The following TTLL11 variants were observed in gnomAD, a reference collection of about 807,000 sequenced individuals.
TTLL11 encodes tubulin polyglutamylase TTLL11.
TTLL11 carries 42 observed loss-of-function variants against 51.7 expected under a neutral mutation model. The ratio of observed to expected loss-of-function variants is 0.81; its 90% CI spans 0.64 to 1.05. TTLL11 has a LOEUF of 1.05. Among genes scored for constraint, TTLL11 ranks in the 50% least tolerant of loss-of-function variants. TTLL11 has a pLI of 0.00. For missense variants in TTLL11, 799 were observed against 940.4 expected, an observed-to-expected ratio of 0.85 and a Z score of 1.97; for synonymous variants, 381 against 383.5, an observed-to-expected ratio of 0.99 and a Z score of 0.08.
At chr9:122,087,169 T>A (rs1455992222) in intron 1 of TTLL11, among the ~76,000 whole-genome samples, 1 of 152,170 alleles carries the variant, frequency 6.6e-6, no homozygotes, top group Admixed American at 6.5e-5. Flanking sequence ...TTTAGAGGGT[T>A]TTTGCAAGGA....
chr9:121,896,920 T>A (rs754631717), intron 6 of TTLL11, among the ~76,000 whole-genome samples: 3 of 152,222 alleles, frequency 2.0e-5, no homozygotes, highest in Non-Finnish European at 4.4e-5. Flanking sequence ...TCGAGTCAGC[T>A]GTAGGTCTTT....
At chr9:122,034,030 A>G (rs1844632252) in intron 2 of TTLL11, among the ~76,000 whole-genome samples, 1 of 152,236 alleles carries the variant, frequency 6.6e-6, no homozygotes, top group African/African-American at 2.4e-5. Flanking sequence ...CTTTTGCTTG[A>G]GGTTTACTAA....
At chr9:122,028,657 C>A (rs1844426987) in intron 3 of TTLL11, among the ~76,000 whole-genome samples, 1 of 152,132 alleles carries the variant, frequency 6.6e-6, no homozygotes, top group Non-Finnish European at 1.5e-5. Flanking sequence ...GATGTGAATA[C>A]CACCAATAGC....
chr9:121,850,293 C>T (rs978686637), intron 8 of TTLL11, among the ~76,000 whole-genome samples: 9 of 152,148 alleles, frequency 5.9e-5, no homozygotes, highest in Non-Finnish European at 1.5e-5. Flanking sequence ...ATACAACAGA[C>T]CATCTTTAAA....
intron 6 of TTLL11, among the ~76,000 whole-genome samples, chr9:121,960,507 C>T (rs945637516): frequency 3.3e-5 from 5 of 152,156 alleles, no homozygotes; most frequent in African/African-American, 7.2e-5. Flanking sequence ...CTGCCTCCTT[C>T]CTGACCCACA....
chr9:121,851,970 T>G (rs1837674837), intron 8 of TTLL11, among the ~76,000 whole-genome samples: 1 of 152,144 alleles, frequency 6.6e-6, no homozygotes, highest in Non-Finnish European at 1.5e-5. Context: ...TGGGAGAATT[T>G]GAGGGCCGGG....
At chr9:121,874,297 C>T (rs940764049) in intron 6 of TTLL11, among the ~76,000 whole-genome samples, 4 of 152,194 alleles carry the variant, frequency 2.6e-5, no homozygotes, top group African/African-American at 7.2e-5. Context: ...CTGCACCCGA[C>T]CCACCACCCC....
At chr9:121,996,627 G>GT (rs1340265129) in intron 3 of TTLL11, among the ~76,000 whole-genome samples, 4 of 152,224 alleles carry the variant, frequency 2.6e-5, no homozygotes, top group Admixed American at 1.3e-4. Flanking sequence ...ATTAGGGAAA[G>GT]TATGTGAAAA....
At chr9:121,845,091 G>A (rs752861355) in intron 8 of TTLL11, among the ~76,000 whole-genome samples, 33 of 152,054 alleles carry the variant, frequency 2.2e-4, no homozygotes, top group Non-Finnish European at 3.7e-4. Flanking sequence ...TAGAAAACCA[G>A]AGACAAAGAG....
chr9:122,031,597 C>T, intron 3 of TTLL11, 126 bp downstream of exon 3: 1 of 1,147,824 alleles, frequency 8.7e-7, no homozygotes, highest in Non-Finnish European at 1.2e-6. Context: ...CTACTGTGTA[C>T]TGTTAAGATG....
At chr9:122,029,105 T>G (rs995400098) in intron 3 of TTLL11, among the ~76,000 whole-genome samples, 7 of 152,232 alleles carry the variant, frequency 4.6e-5, no homozygotes, top group African/African-American at 1.7e-4. Flanking sequence ...TTTGTGGTGT[T>G]GCAGGTGTCA....
At chr9:121,916,029 A>ACG (rs1285962706) in intron 6 of TTLL11, among the ~76,000 whole-genome samples, 15 of 134,394 alleles carry the variant, frequency 1.1e-4, no homozygotes, top group African/African-American at 3.1e-4. Flanking sequence ...ACACACACAC[A>ACG]CACACTGAGG....
chr9:121,966,041 T>G (rs148345959), intron 6 of TTLL11, among the ~76,000 whole-genome samples: 81 of 152,310 alleles, frequency 5.3e-4, no homozygotes, highest in Non-Finnish European at 9.7e-4. Context: ...GAGATGTGCT[T>G]GGAGACAAGG....
At chr9:121,883,641 A>G (rs1838884105) in intron 6 of TTLL11, among the ~76,000 whole-genome samples, 1 of 152,208 alleles carries the variant, frequency 6.6e-6, no homozygotes, top group Non-Finnish European at 1.5e-5. Flanking sequence ...CTGAACATAG[A>G]GTTGTTGTCA....
At chr9:121,888,275 T>C (rs923861325) in intron 6 of TTLL11, among the ~76,000 whole-genome samples, 7 of 152,036 alleles carry the variant, frequency 4.6e-5, no homozygotes, top group Non-Finnish European at 8.8e-5. Context: ...GGCAAAGGAG[T>C]CAACACATCT....
At chr9:122,045,614 A>G (rs1369414872) in intron 1 of TTLL11, among the ~76,000 whole-genome samples, 1 of 152,170 alleles carries the variant, frequency 6.6e-6, no homozygotes, top group Non-Finnish European at 1.5e-5. Context: ...CATTCATAGG[A>G]GCATATTCAC....
Position 121,854,505 on chromosome 9 carries a change from G to C in TTLL11, c.1840+5832C>G, listed in dbSNP as rs1401830717. On this transcript the variant is annotated intron_variant, in intron 8 of 8. Transcript: ENST00000321582. Reference sequence around the variant, plus strand: ...TATCTTAAAATAGCAAAAACATCTGGCTTTGAAGTAAACAAAGTTCAGAAG... The same window carrying C: ...TATCTTAAAATAGCAAAAACATCTGCCTTTGAAGTAAACAAAGTTCAGAAG... 2.0e-5 allele frequency among the ~76,000 whole-genome samples: 3 copies of C among 152,128 alleles called. No homozygotes were observed. The East Asian group carries it at 5.8e-4, about 29-fold the overall frequency.
At chr9:121,841,050 G>T (rs1435020208) in intron 8 of TTLL11, among the ~76,000 whole-genome samples, 8 of 152,154 alleles carry the variant, frequency 5.3e-5, no homozygotes, top group African/African-American at 1.9e-4. Flanking sequence ...TGGCTGTTTG[G>T]CAGGGAGGGC....
At chr9:121,966,444 GAGA>G (rs1180364401) in intron 6 of TTLL11, among the ~76,000 whole-genome samples, 1 of 152,150 alleles carries the variant, frequency 6.6e-6, no homozygotes, top group African/African-American at 2.4e-5. Context: ...CTATGTTCAG[GAGA>G]AGGAGCCCAA....
Sources: gnomAD v4.1 joint callset for allele counts (sites outside exome capture counted in the v4.1 genomes callset) on GRCh38, gnomAD v4.1.1 for gene constraint, MANE v1.5 for transcripts, NCBI Gene and HGNC (gene_info 2026-07-23, HGNC 2026-07-21) for gene names.